The following TRAPPC9 variants were observed in gnomAD, a reference collection of about 807,000 sequenced individuals.
TRAPPC9 encodes trafficking protein particle complex subunit 9, also known as IKK2 binding protein.
TRAPPC9 carries 83 observed loss-of-function variants against 124.0 expected under a neutral mutation model. That is an observed-to-expected ratio of 0.67 (90% CI 0.56 to 0.80). TRAPPC9 has a LOEUF of 0.80. Among genes scored for constraint, TRAPPC9 ranks in the 30% least tolerant of loss-of-function variants. The probability of loss-of-function intolerance (pLI) is 0.00; values close to 1 mark genes in which losing one functional copy is unlikely to be tolerated. For synonymous variants in TRAPPC9, 638 were observed against 617.5 expected, an observed-to-expected ratio of 1.03 and a Z score of -0.49; for missense variants, 1,302 against 1,508.3, an observed-to-expected ratio of 0.86 and a Z score of 2.27.
At chr8:140,113,975 T>G (rs1027795367) in intron 17 of TRAPPC9, among the ~76,000 whole-genome samples, 1 of 152,232 alleles carries the variant, frequency 6.6e-6, no homozygotes, top group Non-Finnish European at 1.5e-5. Flanking sequence ...GGCTCATTTA[T>G]GTAAGAGCTG....
At chr8:140,285,836 C>T (rs2065466987) in intron 13 of TRAPPC9, among the ~76,000 whole-genome samples, 1 of 152,166 alleles carries the variant, frequency 6.6e-6, no homozygotes. Context: ...ACGGCCACTC[C>T]ACTCCGTATT....
At chr8:139,796,046 A>AAGGAGGAGGAAGAGGAAGAAG (rs1823046045) in intron 21 of TRAPPC9, among the ~76,000 whole-genome samples, 3 of 127,608 alleles carry the variant, frequency 2.4e-5, no homozygotes, top group Admixed American at 7.7e-5. Flanking sequence ...GGAAGAGGAG[A>AAGGAGGAGGAAGAGGAAGAAG]AGGAGGAGGA....
At chr8:140,125,121 G>A (rs2061063202) in intron 17 of TRAPPC9, among the ~76,000 whole-genome samples, 1 of 152,230 alleles carries the variant, frequency 6.6e-6, no homozygotes, top group South Asian at 2.1e-4. Context: ...TGAGGCAAGG[G>A]ACAGTAGCAG....
In TRAPPC9 at chr8:140,194,768, T is replaced by C. The variant is rs979430355; in HGVS notation, c.2556+26691A>G. Among the ~76,000 whole-genome samples the C allele has an allele frequency of 2.0e-5, 3 of 152,164 alleles. No homozygotes were observed. In the South Asian group the frequency reaches 6.2e-4, roughly 31 times the overall value. ...GCCTACACTTACACACCCCTGACCATGTATTCTTCACAGATCACACCTGTG... is the reference window on the plus strand; with the variant it reads ...GCCTACACTTACACACCCCTGACCACGTATTCTTCACAGATCACACCTGTG... On this transcript the variant is annotated intron_variant, in intron 17 of 22. Coordinates refer to ENST00000438773, the MANE Select transcript of TRAPPC9 (RefSeq NM_001160372.4).
At chr8:139,990,229 G>A (rs1363198249) in intron 18 of TRAPPC9, among the ~76,000 whole-genome samples, 2 of 152,158 alleles carry the variant, frequency 1.3e-5, no homozygotes, top group African/African-American at 4.8e-5. Context: ...ACAGCCTCGG[G>A]GGTAGTCCGT....
chr8:139,793,165 C>T (rs1452599542), intron 21 of TRAPPC9, among the ~76,000 whole-genome samples: 1 of 152,192 alleles, frequency 6.6e-6, no homozygotes, highest in African/African-American at 2.4e-5. Context: ...TCGGAGCCTA[C>T]ATTTCTTCTT....
intron 17 of TRAPPC9, among the ~76,000 whole-genome samples, chr8:140,187,994 C>T (rs1489097494): frequency 6.6e-6 from 1 of 152,168 alleles, no homozygotes; most frequent in Non-Finnish European, 1.5e-5. Flanking sequence ...GAACTGGGCT[C>T]CTCCCACACC....
intron 21 of TRAPPC9, among the ~76,000 whole-genome samples, chr8:139,821,821 C>G (rs191254843): frequency 6.6e-6 from 1 of 152,306 alleles, no homozygotes; most frequent in Admixed American, 6.5e-5. Context: ...CCAACAGATT[C>G]GTGTGCCATA....
chr8:140,217,658 C>T (rs1248200098), intron 17 of TRAPPC9, among the ~76,000 whole-genome samples: 2 of 152,170 alleles, frequency 1.3e-5, no homozygotes, highest in Admixed American at 6.5e-5. Flanking sequence ...GCCAGTGAAT[C>T]CCTACCGTAA....
At chr8:140,137,785 G>A (rs981031097) in intron 17 of TRAPPC9, among the ~76,000 whole-genome samples, 5 of 152,224 alleles carry the variant, frequency 3.3e-5, no homozygotes, top group Non-Finnish European at 5.9e-5. Flanking sequence ...GGGATATCAT[G>A]AATTTTGTCC....
chr8:139,817,424 G>A (rs548125090), intron 21 of TRAPPC9, among the ~76,000 whole-genome samples: 24 of 152,262 alleles, frequency 1.6e-4, no homozygotes, highest in Non-Finnish European at 2.9e-4. Context: ...ATAGACTACC[G>A]AGAGGATGAA....
chr8:139,941,809 T>C (rs1165071773), intron 19 of TRAPPC9, among the ~76,000 whole-genome samples: 1 of 152,222 alleles, frequency 6.6e-6, no homozygotes, highest in African/African-American at 2.4e-5. Context: ...ACCCCTGGGC[T>C]CAGTCTCTGG....
chr8:139,939,279 A>T (rs1342724780), intron 19 of TRAPPC9, among the ~76,000 whole-genome samples: 1 of 152,144 alleles, frequency 6.6e-6, no homozygotes, highest in Non-Finnish European at 1.5e-5. Flanking sequence ...GGGTCTGGAG[A>T]GGTCAAGGAG....
At chr8:140,454,998 T>C (rs966661643) in intron 1 of TRAPPC9, among the ~76,000 whole-genome samples, 2 of 150,840 alleles carry the variant, frequency 1.3e-5, no homozygotes, top group African/African-American at 4.9e-5. Context: ...ACTAAGCTAA[T>C]ACAGGTATTA....
At chr8:139,821,265 C>A (rs183060546) in intron 21 of TRAPPC9, among the ~76,000 whole-genome samples, 112 of 152,362 alleles carry the variant, frequency 7.4e-4, no homozygotes, top group Middle Eastern at 3.4e-3. Flanking sequence ...GTGAAAGCAG[C>A]AACAATGTGT....
chr8:140,267,218 T>G (rs1563897685), intron 15 of TRAPPC9, among the ~76,000 whole-genome samples: 1 of 152,004 alleles, frequency 6.6e-6, no homozygotes, highest in Non-Finnish European at 1.5e-5. Context: ...GCCTCCCAGG[T>G]GTCAGGGATG....
intron 17 of TRAPPC9, among the ~76,000 whole-genome samples, chr8:140,026,132 T>G (rs181800689): frequency 6.6e-6 from 1 of 152,348 alleles, no homozygotes; most frequent in Non-Finnish European, 1.5e-5. Context: ...CAGATTTCAC[T>G]CAGCATCATG....
At chr8:139,827,350 A>T (rs973248824) in intron 21 of TRAPPC9, among the ~76,000 whole-genome samples, 5 of 152,200 alleles carry the variant, frequency 3.3e-5, no homozygotes, top group African/African-American at 7.2e-5. Context: ...TGCAGGACAG[A>T]GGAAGGCTGA....
intron 16 of TRAPPC9, among the ~76,000 whole-genome samples, chr8:140,224,971 A>C (rs546738934): frequency 9.2e-5 from 14 of 152,326 alleles, no homozygotes; most frequent in Non-Finnish European, 1.9e-4. Context: ...GAACTTCATC[A>C]AGTCAAATAA....
Sources: allele counts gnomAD v4.1 joint callset (sites outside exome capture counted in the v4.1 genomes callset), GRCh38; gene constraint gnomAD v4.1.1; transcripts MANE v1.5; gene names NCBI Gene and HGNC (gene_info 2026-07-23, HGNC 2026-07-21).